The following NFIA variants were observed in gnomAD, a reference collection of about 807,000 sequenced individuals.
NFIA encodes nuclear factor 1 A-type.
Under a neutral mutation model 62.8 loss-of-function variants are expected in NFIA, and 8 were observed. That is an observed-to-expected ratio of 0.13 (90% CI 0.07 to 0.23). The LOEUF is 0.23. NFIA is among the 10% of genes least tolerant of loss of function. The pLI, the probability that NFIA is intolerant of heterozygous loss-of-function variation, is 1.00. For missense variants in NFIA, 410 were observed against 642.1 expected, an observed-to-expected ratio of 0.64 and a Z score of 3.91; for synonymous variants, 235 against 238.1, an observed-to-expected ratio of 0.99 and a Z score of 0.12.
At chr1:61,188,134 G>A (rs1250455696) in intron 2 of NFIA, among the ~76,000 whole-genome samples, 2 of 151,876 alleles carry the variant, frequency 1.3e-5, no homozygotes, top group Admixed American at 6.6e-5. Flanking sequence ...TGCACCCTCC[G>A]CCTCCCGGGT....
At chr1:61,090,146 A>G (rs764287966) in intron 2 of NFIA, among the ~76,000 whole-genome samples, 16 of 152,170 alleles carry the variant, frequency 1.1e-4, no homozygotes, top group Non-Finnish European at 2.2e-4. Context: ...GTTGTTGTTC[A>G]TTTGTTTTGT....
At chr1:61,439,732 C>A (rs1174022002) in intron 10 of NFIA, among the ~76,000 whole-genome samples, 1 of 152,172 alleles carries the variant, frequency 6.6e-6, no homozygotes, top group East Asian at 1.9e-4. Flanking sequence ...CTAAGGTATT[C>A]TTGTCATCCC....
intron 10 of NFIA, among the ~76,000 whole-genome samples, chr1:61,446,520 CA>C (rs1225433282): frequency 2.0e-5 from 3 of 152,040 alleles, no homozygotes; most frequent in Non-Finnish European, 4.4e-5. Context: ...GAACAGTGGA[CA>C]GGGGAGAATT....
At chr1:61,367,957 C>T (rs1323616547) in intron 6 of NFIA, among the ~76,000 whole-genome samples, 2 of 152,186 alleles carry the variant, frequency 1.3e-5, no homozygotes, top group South Asian at 2.1e-4. Context: ...AGATCACACA[C>T]GTCTCACTTT....
intron 2 of NFIA, among the ~76,000 whole-genome samples, chr1:61,201,843 CA>C (rs1259966923): frequency 1.3e-5 from 2 of 152,068 alleles, no homozygotes; most frequent in East Asian, 3.9e-4. Flanking sequence ...TAAAAACTGT[CA>C]AATAGCTCTA....
chr1:61,402,326 C>T (rs1419491716), intron 7 of NFIA, among the ~76,000 whole-genome samples: 1 of 152,128 alleles, frequency 6.6e-6, no homozygotes, highest in Non-Finnish European at 1.5e-5. Context: ...GCATGAGCCA[C>T]CGTACCAGGC....
chr1:61,081,671 T>A (rs1557549617), upstream of NFIA: 1 of 512,446 alleles, frequency 2.0e-6, no homozygotes, highest in Non-Finnish European at 3.5e-6. Flanking sequence ...GGGATAACGC[T>A]CATTAATCTC....
intron 3 of NFIA, among the ~76,000 whole-genome samples, chr1:61,326,665 T>G (rs1380083269): frequency 1.3e-5 from 2 of 151,892 alleles, no homozygotes; most frequent in African/African-American, 4.8e-5. Flanking sequence ...AGGTCCCAGG[T>G]GAGAAATATA....
At chr1:61,187,408 T>C (rs1384835255) in intron 2 of NFIA, among the ~76,000 whole-genome samples, 1 of 152,230 alleles carries the variant, frequency 6.6e-6, no homozygotes, top group Non-Finnish European at 1.5e-5. Flanking sequence ...ATAACTGCCT[T>C]AGTCATTTAA....
At chr1:61,446,720 AT>A (rs1667827426) in intron 10 of NFIA, among the ~76,000 whole-genome samples, 1 of 152,202 alleles carries the variant, frequency 6.6e-6, no homozygotes, top group Non-Finnish European at 1.5e-5. Flanking sequence ...ATCTGGGAGA[AT>A]TTTTGAAATA....
chr1:61,435,007 A>T (rs904215706), intron 10 of NFIA, among the ~76,000 whole-genome samples: 1 of 152,184 alleles, frequency 6.6e-6, no homozygotes, highest in African/African-American at 2.4e-5. Flanking sequence ...TCAAAAGTTG[A>T]TGATAGCCAT....
chr1:61,276,507 G>C (rs1336493860), intron 2 of NFIA, among the ~76,000 whole-genome samples: 1 of 152,148 alleles, frequency 6.6e-6, no homozygotes, highest in African/African-American at 2.4e-5. Context: ...GCTCTCCGCA[G>C]ATACAGAGGT....
chr1:61,145,458 A>T (rs566364359), intron 2 of NFIA, among the ~76,000 whole-genome samples: 8 of 152,242 alleles, frequency 5.3e-5, no homozygotes, highest in Non-Finnish European at 1.0e-4. Flanking sequence ...ATCAAGGTTT[A>T]TCTCCAGATG....
intron 6 of NFIA, among the ~76,000 whole-genome samples, chr1:61,375,898 A>G (rs1314483055): frequency 7.2e-5 from 11 of 152,086 alleles, no homozygotes. Flanking sequence ...TTCACTTCCC[A>G]TTGATTTTAT....
chr1:61,332,496 GT>G lies in NFIA; in HGVS notation c.626-11del. 1 of 1,612,270 alleles carries G rather than the reference GT, an allele frequency of 6.2e-7. No homozygotes were observed. ...TATTTATGACACTTTGTTTTCTTTT[GT>G]TTTTGTTTCCCCAGGACATTTGGGC... On this transcript the variant is annotated splice_polypyrimidine_tract_variant and intron_variant, in intron 3 of 10. Coordinates refer to ENST00000403491, the MANE Select transcript of NFIA (RefSeq NM_001134673.4).
chr1:61,180,132 TC>T (rs1291116540), intron 2 of NFIA, among the ~76,000 whole-genome samples: 3 of 152,034 alleles, frequency 2.0e-5, no homozygotes, highest in African/African-American at 7.2e-5. Flanking sequence ...CCTGATTGTG[TC>T]CCCTCCCATC....
chr1:61,210,165 G>A (rs72929841), intron 2 of NFIA, among the ~76,000 whole-genome samples: 1,750 of 152,236 alleles, frequency 0.011, 29 homozygotes, highest in African/African-American at 0.039. Context: ...ATACCTTTGG[G>A]TTCCTTAGCT....
chr1:61,203,238 G>A (rs939954586), intron 2 of NFIA, among the ~76,000 whole-genome samples: 4 of 152,172 alleles, frequency 2.6e-5, no homozygotes, highest in African/African-American at 9.7e-5. Flanking sequence ...AGGAGTGTAA[G>A]CAGTGGGATA....
At chr1:61,397,044 C>T (rs1023656990) in intron 7 of NFIA, among the ~76,000 whole-genome samples, 3 of 151,844 alleles carry the variant, frequency 2.0e-5, no homozygotes, top group African/African-American at 7.3e-5. Flanking sequence ...TGGCAGGGGC[C>T]TACGTGGTGA....
Sources: allele counts gnomAD v4.1 joint callset (sites outside exome capture counted in the v4.1 genomes callset), GRCh38; gene constraint gnomAD v4.1.1; transcripts MANE v1.5; gene names NCBI Gene and HGNC (gene_info 2026-07-23, HGNC 2026-07-21).